Variants in KCNMA1 observed in about 807,000 individuals in gnomAD.
The protein encoded by KCNMA1 is Calcium-activated potassium channel subunit alpha-1.
KCNMA1 carries 29 observed loss-of-function variants against 140.0 expected under a neutral mutation model. That is an observed-to-expected ratio of 0.21 (90% CI 0.15 to 0.28). The LOEUF is 0.28. Ranked by LOEUF, KCNMA1 falls within the 10% of genes least tolerant of loss-of-function variation. The pLI is 1.00. For missense variants in KCNMA1, 880 were observed against 1,602.2 expected, an observed-to-expected ratio of 0.55 and a Z score of 7.70; for synonymous variants, 612 against 611.9, an observed-to-expected ratio of 1.00 and a Z score of 0.00.
intron 3 of KCNMA1, among the ~76,000 whole-genome samples, chr10:77,187,718 T>C (rs1035788766): frequency 6.6e-6 from 1 of 152,124 alleles, no homozygotes; most frequent in Non-Finnish European, 1.5e-5. Flanking sequence ...GATCGGGCAA[T>C]GTACTTTCTA....
chr10:77,082,328 T>C (rs1397169470), intron 12 of KCNMA1, among the ~76,000 whole-genome samples: 4 of 152,176 alleles, frequency 2.6e-5, no homozygotes, highest in Non-Finnish European at 2.9e-5. Flanking sequence ...AGCCCCGCCC[T>C]TGACCAGTAA....
chr10:77,202,627 T>C (rs552512373), intron 3 of KCNMA1, among the ~76,000 whole-genome samples: 1 of 151,806 alleles, frequency 6.6e-6, no homozygotes, highest in South Asian at 2.1e-4. Flanking sequence ...AAGAGCTACT[T>C]AGATTTTAAG....
intron 14 of KCNMA1, among the ~76,000 whole-genome samples, chr10:77,041,196 G>A (rs1424212691): frequency 0.016 from 65 of 4,102 alleles, 3 homozygotes; most frequent in African/African-American, 0.019. Flanking sequence ...ACGGAGTCTC[G>A]CTCTGTCGCC....
intron 24 of KCNMA1, chr10:76,913,483 A>AGTT (rs909683028): frequency 2.0e-5 from 3 of 152,562 alleles, no homozygotes; most frequent in Non-Finnish European, 2.9e-5. Flanking sequence ...TAGTAAAAAA[A>AGTT]GTTCTCCTAG....
At chr10:77,072,320 C>A (rs999828489) in intron 14 of KCNMA1, among the ~76,000 whole-genome samples, 9 of 152,208 alleles carry the variant, frequency 5.9e-5, no homozygotes, top group African/African-American at 2.2e-4. Context: ...ACTGGAGTGA[C>A]TGTTATCCCA....
At chr10:77,362,352 C>T (rs1366123271) in intron 2 of KCNMA1, among the ~76,000 whole-genome samples, 1 of 81,086 alleles carries the variant, frequency 1.2e-5, no homozygotes, top group Non-Finnish European at 2.3e-5. Flanking sequence ...TATCCCCCCC[C>T]ACCCCCCCCA....
rs769616599 is a variant in KCNMA1 at position 76,953,876 on chromosome 10, G to A, written c.2409C>T (p.Asp803=). The A allele has an allele frequency of 6.2e-7, 1 of 1,613,840 alleles. No homozygotes were observed. Among genetic ancestry groups the A allele is most frequent in the Admixed American group, 1.7e-5 (1 of 60,010 alleles). ...TAGAGTCGTACTTCTTCACATTGGA[G>A]TCCATGTTGTCAATCTGATCATTGC... is the stretch of plus-strand genomic sequence containing the variant. ...IPGNDQIDNM[D]SNVKKYDSTG... is the part of the protein sequence containing the mutation. The change falls in exon 21 of 28, where the codon GAC becomes GAT. Residue 803 remains aspartate, a synonymous_variant. Transcript: ENST00000286628.
chr10:77,169,336 AGAAG>A (rs879398597), intron 5 of KCNMA1, among the ~76,000 whole-genome samples: 1 of 152,174 alleles, frequency 6.6e-6, no homozygotes, highest in Non-Finnish European at 1.5e-5. Context: ...GAGAATATAA[AGAAG>A]GAAGACCATG....
chr10:77,240,411 C>T (rs2056971623), intron 3 of KCNMA1, among the ~76,000 whole-genome samples: 1 of 152,102 alleles, frequency 6.6e-6, no homozygotes, highest in East Asian at 1.9e-4. Context: ...ACCCTGAGAC[C>T]AAAGGCTTCC....
chr10:76,914,372 C>A, intron 24 of KCNMA1: 1 of 534,454 alleles, frequency 1.9e-6, no homozygotes, highest in Non-Finnish European at 3.3e-6. Flanking sequence ...ACCAACATGG[C>A]CCTCAAAACC....
At chr10:77,547,322 G>A (rs1219703728) in intron 1 of KCNMA1, among the ~76,000 whole-genome samples, 2 of 152,182 alleles carry the variant, frequency 1.3e-5, no homozygotes. Context: ...GATTATTAAG[G>A]AGTCCACAGG....
intron 3 of KCNMA1, among the ~76,000 whole-genome samples, chr10:77,219,469 T>C (rs898511907): frequency 2.0e-5 from 3 of 152,118 alleles, no homozygotes; most frequent in African/African-American, 4.8e-5. Context: ...AGAGGGGTGG[T>C]GGCTTTTCCC....
chr10:77,329,884 A>C lies in KCNMA1; in HGVS notation c.540+73978T>G, dbSNP rs565070074. Among the ~76,000 whole-genome samples, 25 of 152,318 alleles carry C rather than the reference A, an allele frequency of 1.6e-4. No individual in the cohort carries two copies. In the South Asian group the frequency reaches 5.2e-3, roughly 32 times the overall value. On this transcript the variant is annotated intron_variant, in intron 2 of 27. Transcript: ENST00000286628. ...AAAAATGATAACAAAAATAATACTT[A>C]GTTCATAAGGTTATTATAAAAATTA...
In KCNMA1 at chr10:76,885,577, T is replaced by C; in HGVS notation, c.*1689A>G. 4 of 985,374 alleles carry C rather than the reference T, an allele frequency of 4.1e-6. No individual in the cohort carries two copies. The highest frequency in any genetic ancestry group is 4.8e-6 in the Non-Finnish European group (4 of 829,932). The allele number at this position is 985,374 out of a possible 1,614,324, so 61.0% of individuals were successfully genotyped here. On this transcript the variant is annotated 3_prime_UTR_variant, in exon 28 of 28. Transcript: ENST00000286628. ...AACATTCACCATAAAAACACCTTTT[T>C]AGAGATGGTACAGCTGTGACATGTT...
intron 25 of KCNMA1, among the ~76,000 whole-genome samples, chr10:76,898,349 A>T (rs984827026): frequency 1.3e-5 from 2 of 151,936 alleles, no homozygotes; most frequent in African/African-American, 4.8e-5. Context: ...AGCAAAACTA[A>T]TTAGAATTAC....
intron 15 of KCNMA1, among the ~76,000 whole-genome samples, chr10:77,033,858 T>C (rs2094128830): frequency 1.3e-5 from 2 of 152,180 alleles, no homozygotes. Context: ...TGTATTCACA[T>C]CTCTATTCAT....
chr10:77,026,835 C>T (rs759649657), intron 16 of KCNMA1, among the ~76,000 whole-genome samples: 2 of 152,120 alleles, frequency 1.3e-5, no homozygotes, highest in Non-Finnish European at 2.9e-5. Flanking sequence ...GAAAGTCTGG[C>T]TGTATTGGGT....
At chr10:77,524,060 T>C (rs1005980917) in intron 1 of KCNMA1, among the ~76,000 whole-genome samples, 3 of 151,636 alleles carry the variant, frequency 2.0e-5, no homozygotes, top group Admixed American at 2.0e-4. Flanking sequence ...ATGGGCTCCA[T>C]AAATCTACAC....
chr10:77,187,271 A>G (rs986710233), intron 3 of KCNMA1, among the ~76,000 whole-genome samples: 1 of 152,208 alleles, frequency 6.6e-6, no homozygotes. Flanking sequence ...GGTATTGAGA[A>G]GAGCATAAGG....
Sources: gnomAD v4.1 joint callset for allele counts (sites outside exome capture counted in the v4.1 genomes callset) on GRCh38, gnomAD v4.1.1 for gene constraint, MANE v1.5 for transcripts, NCBI Gene and HGNC (gene_info 2026-07-23, HGNC 2026-07-21) for gene names.